The following SCNN1A variants were observed in gnomAD, a reference collection of about 807,000 sequenced individuals.
SCNN1A encodes epithelial sodium channel subunit alpha.
In SCNN1A, 65 loss-of-function variants were observed where a neutral mutation model predicts 68.6. The observed-to-expected ratio is 0.95, with a 90% CI of 0.78 to 1.16. SCNN1A has a LOEUF of 1.16. Ranked by LOEUF, SCNN1A falls within the 50% of genes most tolerant of loss-of-function variation. The pLI is 0.00. For missense variants in SCNN1A, 880 were observed against 865.9 expected, an observed-to-expected ratio of 1.02 and a Z score of -0.20; for synonymous variants, 357 against 353.3, an observed-to-expected ratio of 1.01 and a Z score of -0.12.
Position 6,363,549 on chromosome 12 carries a change from A to G in SCNN1A, c.578T>C (p.Val193Ala). 6.2e-7 allele frequency: 1 copy of G among 1,609,704 alleles called. No homozygotes were observed. Among genetic ancestry groups the G allele is most frequent in the African/African-American group, 1.3e-5 (1 of 74,790 alleles). ...ACGGGCCCCGTGAGGCGGGGGCGGGACCCTCAGGCGCTGCAAGGGGTGCGG... is the reference window on the plus strand; with the variant it reads ...ACGGGCCCCGTGAGGCGGGGGCGGGGCCCTCAGGCGCTGCAAGGGGTGCGG... ...TLPHPLQRLR[V>A]PPPPHGARRA... is the part of the protein sequence containing the mutation. The change falls in exon 3 of 13, where the codon GTC becomes GCC. Residue 193 changes from valine to alanine, a missense_variant. Physicochemically the swap from Val to Ala is moderately conservative, Grantham distance 64. Coordinates refer to ENST00000228916, the MANE Select transcript of SCNN1A (RefSeq NM_001038.6).
chr12:6,363,899 A>ATTCCC (rs1364654308), intron 2 of SCNN1A, 189 bp from the exon 3 acceptor site: 1 of 344,584 alleles, frequency 2.9e-6, no homozygotes, highest in Non-Finnish European at 5.3e-6. Flanking sequence ...TCCGCCGGGA[A>ATTCCC]GGCGGAGGCC....
rs1304984235 is a variant in SCNN1A, at chr12:6,372,811, G to A, written c.416+1557C>T. On this transcript the variant is annotated intron_variant, in intron 2 of 12. Coordinates refer to ENST00000228916, the MANE Select transcript of SCNN1A (RefSeq NM_001038.6). This position sits in a 1 kb window ranked among gnomAD's most constrained non-coding sequence, Gnocchi z 5.8. ...ACCCAAGAGAGCTCTGAAATGAGGC[G>A]GAAGCCACATCTGACTGGAAGTTTC... Among the ~76,000 whole-genome samples, 2 of 152,106 alleles carry A rather than the reference G, an allele frequency of 1.3e-5. No individual in the cohort carries two copies. The highest frequency in any genetic ancestry group is 4.8e-5 in the African/African-American group (2 of 41,410).
At position 6,363,657 on chromosome 12, in the gene SCNN1A, G is replaced by A. The variant is rs865917379; in HGVS notation, c.470C>T (p.Thr157Met). 1 of 1,610,340 alleles carries A rather than the reference G, an allele frequency of 6.2e-7. No individual in the cohort carries two copies. Among genetic ancestry groups the A allele is most frequent in the African/African-American group, 1.3e-5 (1 of 74,620 alleles). ...GCTGTATTTGTACAGGTCAAAGAGC[G>A]TCTGCTCTGTGATGCGGTCCAGCTC... ...LEELDRITEQ[T>M]LFDLYKYSSF... The change falls in exon 3 of 13, where the codon ACG becomes ATG. Residue 157 changes from threonine to methionine, a missense_variant. Physicochemically the swap from Thr to Met is moderately conservative, Grantham distance 81. This residue lies in a region of SCNN1A where 758 missense variants were observed against 721.8 expected (regional missense o/e 1.05). Coordinates refer to ENST00000228916, the MANE Select transcript of SCNN1A (RefSeq NM_001038.6).
In SCNN1A at chr12:6,374,433, G is replaced by T; in HGVS notation, c.351C>A (p.Asn117Lys). The stretch of plus-strand genomic sequence containing the variant: ...CGAGCTTGTCCGAGTTGAGGTTGAT[G>T]TTGAGGCTGACGGGGTAGCTGAAGT... ...GEYFSYPVSL[N>K]INLNSDKLVF... Residue 117 changes from asparagine to lysine, a missense_variant, in exon 2 of 13, where the codon AAC (asparagine) becomes AAA (lysine). Around this residue, in one of 3 missense-constraint regions of SCNN1A, gnomAD observed 758 missense variants for 721.8 expected, o/e 1.05. Transcript: ENST00000228916. This position sits in a 1 kb window ranked among gnomAD's most constrained non-coding sequence, Gnocchi z 6.2. The T allele has an allele frequency of 6.2e-7, 1 of 1,614,246 alleles. No homozygotes were observed.
At chr12:6,367,522 TA>T (rs1948700897) in intron 2 of SCNN1A, among the ~76,000 whole-genome samples, 1 of 152,040 alleles carries the variant, frequency 6.6e-6, no homozygotes, top group East Asian at 1.9e-4. Context: ...CAGACACACA[TA>T]CAAGAAAATA....
chr12:6,353,793 G>T (rs552941991), intron 8 of SCNN1A: 13 of 137,064 alleles, frequency 9.5e-5, no homozygotes, highest in East Asian at 2.2e-4. Context: ...GTTTCACCGT[G>T]TTAGCCAGGA....
chr12:6,365,218 A>G (rs1948656603), intron 2 of SCNN1A, among the ~76,000 whole-genome samples: 1 of 152,104 alleles, frequency 6.6e-6, no homozygotes, highest in Non-Finnish European at 1.5e-5. Flanking sequence ...GGGTTTCACC[A>G]CGTTGCCCAG....
At position 6,374,684 on chromosome 12, in the gene SCNN1A, C is replaced by T. The variant is rs72645126; in HGVS notation, c.100G>A (p.Glu34Lys). 93 of 1,613,954 alleles carry T rather than the reference C, an allele frequency of 5.8e-5. No individual in the cohort carries two copies. The African/African-American group carries it at 1.1e-3, about 18-fold the overall frequency. The change falls in exon 2 of 13, where the codon GAA (glutamate) becomes AAA (lysine). Residue 34 changes from glutamate (E) to lysine (K), a missense_variant. Coordinates refer to ENST00000228916, the MANE Select transcript of SCNN1A (RefSeq NM_001038.6). This position sits in a 1 kb window ranked among gnomAD's most constrained non-coding sequence, Gnocchi z 6.2. ...NKREEQGLGP[E>K]PAAPQQPTAE... is the part of the protein sequence containing the mutation. ...GTGGGCTGCTGGGGCGCCGCAGGTT[C>T]GGGGCCCAGCCCCTGCTCCTCACGC...
At position 6,347,916 on chromosome 12, in the gene SCNN1A, G is replaced by C; in HGVS notation, c.1967C>G (p.Ser656Cys). 2.5e-6 allele frequency: 4 copies of C among 1,594,148 alleles called. No homozygotes were observed. The highest frequency in any genetic ancestry group is 3.4e-6 in the Non-Finnish European group (4 of 1,169,848). ...ACAGGTGGAGGAACTGGCCCCTGCA[G>C]AGCCCCCTGGAGATGGGCGGGGGCC... ...TLGPRPSPGG[S>C]AGASSSTCPL... Residue 656 changes from serine (S) to cysteine (C), a missense_variant, in exon 13 of 13, where the codon TCT becomes TGT. Physicochemically the swap from Ser to Cys is moderately radical, Grantham distance 112. This residue lies in a region of SCNN1A where 758 missense variants were observed against 721.8 expected (regional missense o/e 1.05). Coordinates refer to ENST00000228916, the MANE Select transcript of SCNN1A (RefSeq NM_001038.6).
At chr12:6,356,768 T>G (rs150931601) in intron 4 of SCNN1A, among the ~76,000 whole-genome samples, 1 of 152,202 alleles carries the variant, frequency 6.6e-6, no homozygotes, top group African/African-American at 2.4e-5. Flanking sequence ...ATCTGTGTTC[T>G]GCTACCCTGC....
At chr12:6,358,676 T>G (rs1948535288) in intron 4 of SCNN1A, among the ~76,000 whole-genome samples, 1 of 151,880 alleles carries the variant, frequency 6.6e-6, no homozygotes, top group Non-Finnish European at 1.5e-5. Context: ...CTGGGCACCA[T>G]AGTGAGACCT....
At chr12:6,375,619 G>A (rs1948893084), upstream of SCNN1A, 3 of 1,508,010 alleles carry the variant, frequency 2.0e-6, no homozygotes, top group South Asian at 3.7e-5. Context: ...GGGAGGGGCT[G>A]AGGAGGAGTC....
chr12:6,361,690 C>G (rs1021240193), intron 4 of SCNN1A, among the ~76,000 whole-genome samples: 1 of 152,154 alleles, frequency 6.6e-6, no homozygotes, highest in African/African-American at 2.4e-5. Flanking sequence ...TTGCAGACAG[C>G]CGAGATCGCG....
intron 8 of SCNN1A, chr12:6,353,733 G>A (rs1390022604): frequency 9.6e-6 from 1 of 104,300 alleles, no homozygotes; most frequent in Non-Finnish European, 1.7e-5. Context: ...GGGACTACAG[G>A]CGCCCGCCAC....
At chr12:6,370,685 G>A (rs947545295) in intron 2 of SCNN1A, among the ~76,000 whole-genome samples, 1 of 152,174 alleles carries the variant, frequency 6.6e-6, no homozygotes, top group African/African-American at 2.4e-5. Context: ...GGGAATGCAG[G>A]GTCTGCCCGC....
chr12:6,352,526 C>T (rs1948404929), intron 8 of SCNN1A, among the ~76,000 whole-genome samples: 1 of 152,148 alleles, frequency 6.6e-6, no homozygotes, highest in African/African-American at 2.4e-5. Context: ...ATTTTTCACT[C>T]ACAGATGTGC....
intron 2 of SCNN1A, among the ~76,000 whole-genome samples, chr12:6,369,294 T>TCCCCTCCCTCCTGCCACCCTACG (rs1948737392): frequency 9.2e-6 from 1 of 108,374 alleles, no homozygotes; most frequent in Admixed American, 9.3e-5. Context: ...GCCACCCTAC[T>TCCCCTCCCTCCTGCCACCCTACG]CACCTCCCTC....
At chr12:6,352,595 C>T (rs1173904731) in intron 8 of SCNN1A, among the ~76,000 whole-genome samples, 1 of 152,226 alleles carries the variant, frequency 6.6e-6, no homozygotes, top group Non-Finnish European at 1.5e-5. Context: ...GTGGCATCTC[C>T]TCCATCCCAG....
Position 6,356,189 on chromosome 12 carries a change from T to C in SCNN1A, c.876-309A>G, listed in dbSNP as rs72657589. On this transcript the variant is annotated intron_variant, in intron 4 of 12. Transcript: ENST00000228916. ...ATCTACCTTCTAGTCCAGGCTCCTC[T>C]CACCAGGCCATCTGGGTTCACCGGC... 3.0e-3 allele frequency: 1,316 copies of C among 436,896 alleles called. 7 individuals are homozygous for C. The highest frequency in any genetic ancestry group is 0.024 in the African/African-American group (1,184 of 50,326). 27.1% of individuals were successfully genotyped at this position (436,896 alleles called of 1,614,324 possible). A position where few individuals can be genotyped will look rare whatever the true frequency, so the allele number is the denominator to read the frequency against.
Sources: gnomAD v4.1 joint callset for allele counts (sites outside exome capture counted in the v4.1 genomes callset) on GRCh38, gnomAD v4.1.1 for gene constraint, gnomAD v4.1.1 regional missense constraint, Gnocchi (gnomAD v3.1) non-coding constraint, MANE v1.5 for transcripts, NCBI Gene and HGNC (gene_info 2026-07-23, HGNC 2026-07-21) for gene names.